Variants in PRDM16 observed in about 807,000 individuals in gnomAD.
PRDM16 encodes histone-lysine N-methyltransferase PRDM16.
In PRDM16, 23 loss-of-function variants were observed where a neutral mutation model predicts 110.6. The ratio of observed to expected loss-of-function variants is 0.21; its 90% CI spans 0.15 to 0.29. The LOEUF (loss-of-function observed/expected upper bound fraction) is 0.29, where lower values mean the gene tolerates loss of function less well. Among genes scored for constraint, PRDM16 ranks in the 10% least tolerant of loss-of-function variants. The pLI, the probability that PRDM16 is intolerant of heterozygous loss-of-function variation, is 1.00. For missense variants in PRDM16, 1,615 were observed against 1,794.3 expected (o/e 0.90, Z 1.81); for synonymous variants, 799 against 781.8 (o/e 1.02, Z -0.37).
chr1:3,357,826 C>T (rs977609066), intron 3 of PRDM16, among the ~76,000 whole-genome samples: 1 of 152,232 alleles, frequency 6.6e-6, no homozygotes, highest in East Asian at 1.9e-4. Context: ...GTAGCTGGCA[C>T]GTAGGAGCCC....
At chr1:3,310,895 CATGT>C (rs1362977136) in intron 3 of PRDM16, among the ~76,000 whole-genome samples, 1 of 151,656 alleles carries the variant, frequency 6.6e-6, no homozygotes, top group Non-Finnish European at 1.5e-5. Flanking sequence ...GTGTGTGAGA[CATGT>C]GGGCATGTGT....
At chr1:3,128,494 C>G (rs995883424) in intron 1 of PRDM16, among the ~76,000 whole-genome samples, 1 of 152,238 alleles carries the variant, frequency 6.6e-6, no homozygotes, top group Non-Finnish European at 1.5e-5. Flanking sequence ...GCTCCGCACC[C>G]AGGACCCTGG....
At chr1:3,091,506 G>A (rs554649864) in intron 1 of PRDM16, among the ~76,000 whole-genome samples, 217 of 152,342 alleles carry the variant, frequency 1.4e-3, no homozygotes, top group Middle Eastern at 3.4e-3. Context: ...TCCACTCCTC[G>A]TGCCGGCTCC....
rs958999062 is a variant in PRDM16, at chr1:3,382,833, G to A, written c.439-2319G>A. Among the ~76,000 whole-genome samples the A allele has an allele frequency of 2.6e-5, 4 of 152,232 alleles. No homozygotes were observed. Among genetic ancestry groups the A allele is most frequent in the African/African-American group, 7.2e-5 (3 of 41,462 alleles). On this transcript the variant is annotated intron_variant, in intron 3 of 16. Transcript: ENST00000270722. This position sits in a 1 kb window ranked among gnomAD's most constrained non-coding sequence, Gnocchi z 6.6. ...CCAGCCCTCAGCCCACAGGCACTGTGTACAATGTGCTGTGACGTCAGCAGG... is the reference window on the plus strand; with the variant it reads ...CCAGCCCTCAGCCCACAGGCACTGTATACAATGTGCTGTGACGTCAGCAGG...
chr1:3,327,308 G>A (rs1570080463), intron 3 of PRDM16, among the ~76,000 whole-genome samples: 2 of 152,152 alleles, frequency 1.3e-5, no homozygotes, highest in South Asian at 2.1e-4. Context: ...ACCACAGGCC[G>A]GCTGGAGAGG....
chr1:3,087,453 C>T (rs369686928), intron 1 of PRDM16, among the ~76,000 whole-genome samples: 1 of 152,226 alleles, frequency 6.6e-6, no homozygotes, highest in African/African-American at 2.4e-5. Context: ...GAAGTTGTTC[C>T]TGCCTTGGGG....
At chr1:3,310,696 A>T (rs777358767) in intron 3 of PRDM16, among the ~76,000 whole-genome samples, 2 of 151,874 alleles carry the variant, frequency 1.3e-5, no homozygotes, top group Non-Finnish European at 2.9e-5. Context: ...TCCTCTGCCA[A>T]CTCTTCATTT....
chr1:3,223,006 G>A lies in PRDM16; in HGVS notation c.388-21081G>A, dbSNP rs1053186064. Reference sequence around the variant, plus strand: ...GCTCCAGAGACTCCCAGACATGAGCGTGCGTGGGGTAGCATCTGCAGATGG... The same window carrying A: ...GCTCCAGAGACTCCCAGACATGAGCATGCGTGGGGTAGCATCTGCAGATGG... On this transcript the variant is annotated intron_variant, in intron 2 of 16. Coordinates refer to ENST00000270722, the MANE Select transcript of PRDM16 (RefSeq NM_022114.4). Among the ~76,000 whole-genome samples the A allele has an allele frequency of 3.9e-5, 6 of 152,066 alleles. No individual in the cohort carries two copies. The South Asian group carries it at 6.2e-4, about 16-fold the overall frequency.
chr1:3,433,517 C>G (rs1638826007), intron 16 of PRDM16, among the ~76,000 whole-genome samples, 160 bp from the exon 17 acceptor site: 1 of 141,262 alleles, frequency 7.1e-6, no homozygotes, highest in Admixed American at 7.7e-5. Flanking sequence ...TGCCCACGCG[C>G]TCACCTGCCT....
intron 3 of PRDM16, among the ~76,000 whole-genome samples, chr1:3,337,083 G>C (rs1642174838): frequency 6.6e-6 from 1 of 151,862 alleles, no homozygotes; most frequent in African/African-American, 2.4e-5. Flanking sequence ...GCGTGTGTGA[G>C]CGCATGCATC....
chr1:3,220,264 C>A (rs923966650), intron 2 of PRDM16, among the ~76,000 whole-genome samples: 2 of 152,224 alleles, frequency 1.3e-5, no homozygotes, highest in African/African-American at 2.4e-5. Context: ...GCACACAAAA[C>A]CTGTCCCCAA....
intron 3 of PRDM16, among the ~76,000 whole-genome samples, chr1:3,377,873 T>TACTGGCC (rs1643022087): frequency 6.6e-6 from 1 of 152,150 alleles, no homozygotes; most frequent in Non-Finnish European, 1.5e-5. Context: ...CATGCATCTG[T>TACTGGCC]TCGTTCGTCT....
intron 12 of PRDM16, among the ~76,000 whole-genome samples, chr1:3,419,840 G>C (rs1434546005): frequency 6.6e-6 from 1 of 152,020 alleles, no homozygotes; most frequent in East Asian, 1.9e-4. Context: ...CCAGGGCTGT[G>C]TCCCAACTCG....
At chr1:3,322,579 C>T (rs1376280464) in intron 3 of PRDM16, among the ~76,000 whole-genome samples, 1 of 152,118 alleles carries the variant, frequency 6.6e-6, no homozygotes, top group Non-Finnish European at 1.5e-5. Context: ...GAGCTTCGTC[C>T]CTGCACGTCC....
At chr1:3,171,167 C>T (rs894713505) in intron 1 of PRDM16, among the ~76,000 whole-genome samples, 2 of 152,232 alleles carry the variant, frequency 1.3e-5, no homozygotes, top group Non-Finnish European at 2.9e-5. Flanking sequence ...TGTTTACTTG[C>T]GGCGTGACTT....
chr1:3,396,906 T>C (rs1295258050), intron 5 of PRDM16, among the ~76,000 whole-genome samples: 5 of 152,230 alleles, frequency 3.3e-5, no homozygotes, highest in East Asian at 1.9e-4. Flanking sequence ...GTCTTTGCAA[T>C]GTTAGGGTCC....
At chr1:3,204,245 G>A (rs1221950542) in intron 2 of PRDM16, among the ~76,000 whole-genome samples, 1 of 152,222 alleles carries the variant, frequency 6.6e-6, no homozygotes, top group Non-Finnish European at 1.5e-5. Context: ...TAGTGTGTGT[G>A]GGTGTGACTT....
chr1:3,120,906 C>G (rs1056286499), intron 1 of PRDM16, among the ~76,000 whole-genome samples: 1 of 152,216 alleles, frequency 6.6e-6, no homozygotes, highest in Non-Finnish European at 1.5e-5. Context: ...ATCTGCCATT[C>G]CAGGGGCTCC....
Position 3,402,804 on chromosome 1 carries a change from C to G in PRDM16, c.690C>G (p.Phe230Leu), listed in dbSNP as rs747166916. 1 of 1,611,842 alleles carries G rather than the reference C, an allele frequency of 6.2e-7. No homozygotes were observed. Among genetic ancestry groups the G allele is most frequent in the Non-Finnish European group, 8.5e-7 (1 of 1,178,936 alleles). ...VPPGLDEEPTFRCDECDELFQ... is the reference protein window; with the variant it reads ...VPPGLDEEPTLRCDECDELFQ... Reference sequence around the variant, plus strand: ...TCTCTCTTGCAGAGGAGCCCACGTTCCGCTGTGACGAGTGTGACGAACTCT... The same window carrying G: ...TCTCTCTTGCAGAGGAGCCCACGTTGCGCTGTGACGAGTGTGACGAACTCT... Residue 230 changes from phenylalanine (F) to leucine (L), a missense_variant, in exon 6 of 17, where the codon TTC becomes TTG. Phe to Leu is a conservative substitution (Grantham distance 22, BLOSUM62 0). Coordinates refer to ENST00000270722, the MANE Select transcript of PRDM16 (RefSeq NM_022114.4).
Sources: gnomAD v4.1 joint callset for allele counts (sites outside exome capture counted in the v4.1 genomes callset) on GRCh38, gnomAD v4.1.1 for gene constraint, Gnocchi (gnomAD v3.1) non-coding constraint, MANE v1.5 for transcripts, NCBI Gene and HGNC (gene_info 2026-07-23, HGNC 2026-07-21) for gene names.